The following LRP1B variants were observed in gnomAD, a reference collection of about 807,000 sequenced individuals.
The protein encoded by LRP1B is low-density lipoprotein receptor-related protein 1B.
A neutral mutation model predicts 556.6 loss-of-function variants in LRP1B; 217 were observed. That is an observed-to-expected ratio of 0.39 (90% CI 0.35 to 0.44). The LOEUF is 0.44. Ranked by LOEUF, LRP1B falls within the 20% of genes least tolerant of loss-of-function variation. The pLI is 1.00. For missense variants in LRP1B, 5,053 were observed against 5,620.8 expected, an observed-to-expected ratio of 0.90 and a Z score of 3.23; for synonymous variants, 2,047 against 1,865.8, an observed-to-expected ratio of 1.10 and a Z score of -2.50.
intron 35 of LRP1B, among the ~76,000 whole-genome samples, chr2:140,759,256 C>T (rs902004419): frequency 6.6e-6 from 1 of 151,966 alleles, no homozygotes; most frequent in Admixed American, 6.6e-5. Flanking sequence ...TGGCACAGAT[C>T]CAGAGAGATC....
chr2:141,026,133 C>T (rs1042240667), intron 11 of LRP1B, among the ~76,000 whole-genome samples: 14 of 151,964 alleles, frequency 9.2e-5, no homozygotes, highest in Non-Finnish European at 1.8e-4. Flanking sequence ...CACCTATTCT[C>T]GAATATTCAT....
At chr2:140,495,313 CT>C (rs10536858) in intron 56 of LRP1B, among the ~76,000 whole-genome samples, 1,752 of 133,740 alleles carry the variant, frequency 0.013, 15 homozygotes, top group East Asian at 0.037. Context: ...AGAGATAGTT[CT>C]TTTTTTTTTT....
chr2:140,687,126 G>T (rs1686077419), intron 41 of LRP1B, among the ~76,000 whole-genome samples: 1 of 152,088 alleles, frequency 6.6e-6, no homozygotes, highest in Non-Finnish European at 1.5e-5. Context: ...GACATAGAGT[G>T]ATGAGATCCA....
intron 1 of LRP1B, among the ~76,000 whole-genome samples, chr2:141,978,401 A>G (rs962930850): frequency 5.9e-5 from 9 of 152,168 alleles, no homozygotes; most frequent in Non-Finnish European, 1.3e-4. Flanking sequence ...AAAAATTTAC[A>G]TTTTTCTCAA....
At chr2:140,416,186 A>G (rs184203362) in intron 66 of LRP1B, among the ~76,000 whole-genome samples, 195 of 152,288 alleles carry the variant, frequency 1.3e-3, no homozygotes, top group African/African-American at 4.6e-3. Context: ...TAGATTCTCA[A>G]TGTGAACCCT....
chr2:140,726,190 C>T (rs1321142643), intron 35 of LRP1B, among the ~76,000 whole-genome samples: 1 of 152,056 alleles, frequency 6.6e-6, no homozygotes, highest in Non-Finnish European at 1.5e-5. Flanking sequence ...CCATTGCTAT[C>T]CCATTTGCTA....
rs1249093796 is a variant in LRP1B at position 141,639,326 on chromosome 2, A to G, written c.206-158793T>C. On this transcript the variant is annotated intron_variant, in intron 2 of 90. Transcript: ENST00000389484. ...TGTGTATATATATATATATATATAT[A>G]TATATATATATATATATATATATAC... Among the ~76,000 whole-genome samples the G allele has an allele frequency of 1.3e-3, 30 of 23,276 alleles. 1 individual carries two copies. Among genetic ancestry groups the G allele is most frequent in the Admixed American group, 2.3e-3 (4 of 1,706 alleles). 15.3% of individuals were successfully genotyped at this position (23,276 alleles called of 152,430 possible).
At chr2:141,991,736 A>G (rs1262603459) in intron 1 of LRP1B, among the ~76,000 whole-genome samples, 3 of 152,068 alleles carry the variant, frequency 2.0e-5, no homozygotes, top group Non-Finnish European at 4.4e-5. Context: ...ATTCAAACTC[A>G]GGCTGATTGA....
intron 2 of LRP1B, among the ~76,000 whole-genome samples, chr2:141,671,199 G>T (rs541711290): frequency 6.6e-6 from 1 of 152,310 alleles, no homozygotes; most frequent in Admixed American, 6.5e-5. Flanking sequence ...GAGAAGCAAA[G>T]ATTTTATTCA....
chr2:141,295,336 T>G (rs1244300212), intron 3 of LRP1B, among the ~76,000 whole-genome samples: 1 of 152,196 alleles, frequency 6.6e-6, no homozygotes, highest in African/African-American at 2.4e-5. Flanking sequence ...ATACTTTTGT[T>G]TTCATGTTTT....
intron 2 of LRP1B, among the ~76,000 whole-genome samples, chr2:141,787,884 A>G (rs901747398): frequency 1.3e-5 from 2 of 151,898 alleles, no homozygotes; most frequent in Admixed American, 6.6e-5. Flanking sequence ...CTTTTTCTCC[A>G]TATGTCTCTT....
intron 86 of LRP1B, among the ~76,000 whole-genome samples, chr2:140,248,071 G>A (rs565722528): frequency 1.0e-3 from 157 of 151,646 alleles, no homozygotes; most frequent in Non-Finnish European, 1.7e-3. Context: ...TGGAACTCTG[G>A]GCATGGTGGG....
intron 1 of LRP1B, among the ~76,000 whole-genome samples, chr2:141,849,108 A>C (rs1030123990): frequency 6.6e-6 from 1 of 151,748 alleles, no homozygotes; most frequent in Non-Finnish European, 1.5e-5. Context: ...GGATTAATAT[A>C]ATGATCAGAC....
chr2:140,309,902 T>A (rs1326971791), intron 83 of LRP1B, among the ~76,000 whole-genome samples: 1 of 144,980 alleles, frequency 6.9e-6, no homozygotes, highest in East Asian at 2.0e-4. Context: ...AATAACACAA[T>A]CAAATGTTCT....
chr2:141,188,000 T>G (rs1681332916), intron 7 of LRP1B, among the ~76,000 whole-genome samples: 1 of 152,046 alleles, frequency 6.6e-6, no homozygotes, highest in South Asian at 2.1e-4. Context: ...GCCCCTTTTG[T>G]AAATCCTAAA....
chr2:140,521,320 A>G (rs144528855), intron 49 of LRP1B, among the ~76,000 whole-genome samples: 1 of 152,208 alleles, frequency 6.6e-6, no homozygotes, highest in East Asian at 1.9e-4. Context: ...CATCACCTGT[A>G]AAGTGAAACC....
chr2:140,948,743 A>T (rs1695616811), intron 20 of LRP1B, among the ~76,000 whole-genome samples: 1 of 152,224 alleles, frequency 6.6e-6, no homozygotes, highest in Non-Finnish European at 1.5e-5. Flanking sequence ...CTTGTGTTTC[A>T]CTGCCTCAGG....
chr2:141,801,894 T>C (rs1696019158), intron 2 of LRP1B, among the ~76,000 whole-genome samples: 1 of 152,120 alleles, frequency 6.6e-6, no homozygotes, highest in African/African-American at 2.4e-5. Context: ...CAACTTTTAA[T>C]AGATATATAG....
intron 18 of LRP1B, among the ~76,000 whole-genome samples, chr2:140,960,158 C>T (rs544093726): frequency 4.6e-4 from 70 of 151,808 alleles, no homozygotes; most frequent in Non-Finnish European, 7.8e-4. Context: ...TCTGCTCAGG[C>T]TACCCAGGCA....
Sources: gnomAD v4.1 joint callset for allele counts (sites outside exome capture counted in the v4.1 genomes callset) on GRCh38, gnomAD v4.1.1 for gene constraint, MANE v1.5 for transcripts, NCBI Gene and HGNC (gene_info 2026-07-23, HGNC 2026-07-21) for gene names.